FYCO1: variants seen among roughly 807,000 people sequenced by gnomAD.
FYCO1 encodes the protein FYVE and coiled-coil domain-containing protein 1.
FYCO1 carries 122 observed loss-of-function variants against 165.1 expected under a neutral mutation model. The observed-to-expected ratio is 0.74, with a 90% CI of 0.64 to 0.86. FYCO1 has a LOEUF of 0.86. Among genes scored for constraint, FYCO1 ranks in the 40% least tolerant of loss-of-function variants. FYCO1 has a pLI of 0.00. For synonymous variants in FYCO1, 648 were observed against 742.5 expected (o/e 0.87, Z 2.07); for missense variants, 1,702 against 1,810.3 (o/e 0.94, Z 1.09).
chr3:45,966,256 A>G (rs1477637529), intron 8 of FYCO1, 21 bp downstream of exon 8: 11 of 1,611,310 alleles, frequency 6.8e-6, no homozygotes, highest in East Asian at 2.2e-5. Flanking sequence ...GTAGAGCCCA[A>G]GTGGTTGAAG....
intron 8 of FYCO1, 43 bp from the exon 9 acceptor site, chr3:45,965,168 T>G (rs775953525): frequency 9.3e-6 from 14 of 1,509,576 alleles, no homozygotes. Flanking sequence ...AGTAGGGTCC[T>G]TGCTCTGAGG....
intron 14 of FYCO1, chr3:45,945,552 T>C (rs1704536076): frequency 1.3e-5 from 2 of 152,180 alleles, no homozygotes; most frequent in African/African-American, 4.8e-5. Context: ...CCCATTTCAA[T>C]TGGGTTTTCT....
rs1300233357 is a variant in FYCO1, at chr3:45,962,197, C to T, written c.3437+28G>A. On this transcript the variant is annotated intron_variant, in intron 11 of 17. Transcript: ENST00000296137. The surrounding 1 kb of genome is among the most constrained non-coding windows in gnomAD (Gnocchi z 4.4). ...GAAAAACCCCAGTGTGGGGAAAACC[C>T]CAGCTGCTGGTTTGACACAGCACTC... 1 of 1,613,218 alleles carries T rather than the reference C, an allele frequency of 6.2e-7. No individual in the cohort carries two copies. Among genetic ancestry groups the T allele is most frequent in the Admixed American group, 1.7e-5 (1 of 60,018 alleles).
intron 4 of FYCO1, among the ~76,000 whole-genome samples, chr3:45,979,384 A>T (rs1162215564): frequency 6.6e-6 from 1 of 152,250 alleles, no homozygotes; most frequent in Non-Finnish European, 1.5e-5. Context: ...AGATGGAGTC[A>T]TCCTATGCTT....
At chr3:45,988,397 G>A (rs770110273) in intron 1 of FYCO1, among the ~76,000 whole-genome samples, 3 of 152,116 alleles carry the variant, frequency 2.0e-5, no homozygotes, top group Admixed American at 2.0e-4. Flanking sequence ...TTCATTGAGG[G>A]AATCACAGAC....
At chr3:45,973,374 A>G in intron 5 of FYCO1, 143 bp from the exon 6 acceptor site, 1 of 773,376 alleles carries the variant, frequency 1.3e-6, no homozygotes. Context: ...TTTCATTTTC[A>G]TGGTAGAAGA....
chr3:45,935,636 T>G (rs1559443215), intron 15 of FYCO1, among the ~76,000 whole-genome samples: 1 of 152,266 alleles, frequency 6.6e-6, no homozygotes, highest in Non-Finnish European at 1.5e-5. Context: ...TTATTTAAAA[T>G]GGCAAATTCC....
chr3:45,983,383 G>A (rs1454381973), intron 2 of FYCO1, among the ~76,000 whole-genome samples: 2 of 152,204 alleles, frequency 1.3e-5, no homozygotes, highest in Admixed American at 6.5e-5. Flanking sequence ...TTATTAAGAC[G>A]TTTACCAACA....
chr3:45,964,459 C>T lies in FYCO1; in HGVS notation c.3151-5G>A, dbSNP rs1705878267. 6.2e-7 allele frequency: 1 copy of T among 1,613,820 alleles called. No individual in the cohort carries two copies. The highest frequency in any genetic ancestry group is 8.5e-7 in the Non-Finnish European group (1 of 1,179,806). The stretch of plus-strand genomic sequence containing the variant: ...TCCCATGTCTGCTTGGGTGGCCTGG[C>T]ACAGGACGTCAGGGAGAAGACACTC... On this transcript the variant is annotated splice_region_variant and splice_polypyrimidine_tract_variant and intron_variant, in intron 9 of 17. Transcript: ENST00000296137. This position sits in a 1 kb window ranked among gnomAD's most constrained non-coding sequence, Gnocchi z 4.1.
chr3:45,989,197 C>T (rs1226313318), intron 1 of FYCO1, among the ~76,000 whole-genome samples: 2 of 152,228 alleles, frequency 1.3e-5, no homozygotes, highest in Non-Finnish European at 1.5e-5. Flanking sequence ...ATTCCTCCCC[C>T]AGTCCCAAAT....
At chr3:45,976,087 G>A (rs528903675) in intron 4 of FYCO1, among the ~76,000 whole-genome samples, 78 of 151,928 alleles carry the variant, frequency 5.1e-4, no homozygotes, top group Non-Finnish European at 9.0e-4. Context: ...TCTCTAGGCA[G>A]CCCAGTCACA....
chr3:45,964,945 G>A lies in FYCO1; in HGVS notation c.3150+88C>T. Reference sequence around the variant, plus strand: ...GAGGACGGCTTCAGCTTGGGAATCTGGAGGCATGCAGGGAGCCCTCTTAAA... The same window carrying A: ...GAGGACGGCTTCAGCTTGGGAATCTAGAGGCATGCAGGGAGCCCTCTTAAA... On this transcript the variant is annotated intron_variant, in intron 9 of 17. Coordinates refer to ENST00000296137, the MANE Select transcript of FYCO1 (RefSeq NM_024513.4). The surrounding 1 kb of genome is among the most constrained non-coding windows in gnomAD (Gnocchi z 4.1). 9.7e-7 allele frequency: 1 copy of A among 1,031,160 alleles called. No homozygotes were observed. The highest frequency in any genetic ancestry group is 1.9e-5 in the Admixed American group (1 of 53,006). 63.9% of individuals were successfully genotyped at this position (1,031,160 alleles called of 1,614,324 possible).
chr3:45,960,010 G>A (rs1449145635), intron 11 of FYCO1, among the ~76,000 whole-genome samples: 1 of 152,162 alleles, frequency 6.6e-6, no homozygotes, highest in Non-Finnish European at 1.5e-5. Flanking sequence ...GAAGATCAAA[G>A]ATTTCCTAGT....
At chr3:45,987,675 G>A (rs1320323806) in intron 1 of FYCO1, among the ~76,000 whole-genome samples, 1 of 152,210 alleles carries the variant, frequency 6.6e-6, no homozygotes, top group Non-Finnish European at 1.5e-5. Context: ...GATACCCTGT[G>A]ATCTTTAAAT....
intron 14 of FYCO1, chr3:45,938,357 C>A: frequency 1.8e-6 from 1 of 555,454 alleles, no homozygotes; most frequent in Admixed American, 2.5e-5. Flanking sequence ...AACTGTAGGT[C>A]ATGACCCATT....
chr3:45,955,816 G>A (rs1240026253), intron 13 of FYCO1, among the ~76,000 whole-genome samples: 1 of 152,242 alleles, frequency 6.6e-6, no homozygotes, highest in Non-Finnish European at 1.5e-5. Context: ...GAAAGCAGGA[G>A]TCTGTCTGAC....
At chr3:45,945,412 A>G (rs1028068486) in intron 14 of FYCO1, 2 of 152,174 alleles carry the variant, frequency 1.3e-5, no homozygotes, top group African/African-American at 2.4e-5. Flanking sequence ...CTGCTCCCAC[A>G]CCACAGGTTA....
At chr3:45,946,474 C>G (rs371640095) in intron 14 of FYCO1, 10 of 1,608,118 alleles carry the variant, frequency 6.2e-6, no homozygotes, top group Non-Finnish European at 8.5e-6. Flanking sequence ...TTCATCAGAA[C>G]AGACACCATG....
chr3:45,995,615 TG>T (rs1449995383), intron 1 of FYCO1, 106 bp downstream of exon 1: 6 of 152,734 alleles, frequency 3.9e-5, no homozygotes, highest in African/African-American at 1.4e-4. Context: ...GGGCGGGGAC[TG>T]TAAGGGCAAC....
Sources: allele counts gnomAD v4.1 joint callset (sites outside exome capture counted in the v4.1 genomes callset), GRCh38; gene constraint gnomAD v4.1.1; non-coding constraint Gnocchi (gnomAD v3.1); transcripts MANE v1.5; gene names NCBI Gene and HGNC (gene_info 2026-07-23, HGNC 2026-07-21).